Variants in PTPN4 observed in about 807,000 individuals in gnomAD.
PTPN4 encodes the protein tyrosine-protein phosphatase non-receptor type 4.
PTPN4 carries 49 observed loss-of-function variants against 135.5 expected under a neutral mutation model. The observed-to-expected ratio is 0.36, with a 90% confidence interval of 0.29 to 0.46. PTPN4 has a LOEUF of 0.46. PTPN4 is among the 20% of genes least tolerant of loss of function. The pLI is 1.00. For missense variants in PTPN4, 860 were observed against 1,101.0 expected, an observed-to-expected ratio of 0.78 and a Z score of 3.10; for synonymous variants, 333 against 369.9, an observed-to-expected ratio of 0.90 and a Z score of 1.14.
At chr2:119,802,811 G>C (rs1188990360) in intron 1 of PTPN4, among the ~76,000 whole-genome samples, 2 of 152,120 alleles carry the variant, frequency 1.3e-5, no homozygotes, top group African/African-American at 4.8e-5. Context: ...TAAATGTTAG[G>C]TAGATTTTCC....
intron 2 of PTPN4, among the ~76,000 whole-genome samples, chr2:119,847,575 C>T (rs1239263195): frequency 1.3e-5 from 2 of 152,106 alleles, no homozygotes; most frequent in African/African-American, 4.8e-5. Flanking sequence ...GATCCGCCGC[C>T]TCGGCCTCCC....
In PTPN4 at chr2:119,857,867, A is replaced by G. The variant is rs142904975; in HGVS notation, c.139-4669A>G. On this transcript the variant is annotated intron_variant, in intron 2 of 26. Coordinates refer to ENST00000263708, the MANE Select transcript of PTPN4 (RefSeq NM_002830.4). ...ATGGTTTGGATGTTTGTCCCCTCCA[A>G]ATCTCATGCTGAAATGTGATTCCCA... 1.4e-3 allele frequency among the ~76,000 whole-genome samples: 210 copies of G among 152,258 alleles called. 4 individuals are homozygous for G. Among genetic ancestry groups the G allele is most frequent in the South Asian group, 0.014 (66 of 4,822 alleles).
chr2:119,838,832 C>T (rs1353998898), intron 2 of PTPN4, among the ~76,000 whole-genome samples: 1 of 152,238 alleles, frequency 6.6e-6, no homozygotes, highest in African/African-American at 2.4e-5. Flanking sequence ...TTATCATTCA[C>T]TCATTCAGTT....
At chr2:119,975,170 AGTG>A (rs1679595010) in intron 26 of PTPN4, among the ~76,000 whole-genome samples, 1 of 152,186 alleles carries the variant, frequency 6.6e-6, no homozygotes, top group Non-Finnish European at 1.5e-5. Context: ...GGTTTGCAGT[AGTG>A]TGATCACCAC....
rs970414153 is a variant in PTPN4, at chr2:119,966,792, C to G, written c.2559-1045C>G. 5.3e-5 allele frequency among the ~76,000 whole-genome samples: 8 copies of G among 152,316 alleles called. No homozygotes were observed. In the East Asian group the frequency reaches 7.7e-4, roughly 15 times the overall value. On this transcript the variant is annotated intron_variant, in intron 25 of 26. Transcript: ENST00000263708. Reference sequence around the variant, plus strand: ...AGCTTTAAGTAAACAGCAGGCTACTCTTTCTTTCTTTGAGACCCAAGTCCC... The same window carrying G: ...AGCTTTAAGTAAACAGCAGGCTACTGTTTCTTTCTTTGAGACCCAAGTCCC...
At chr2:119,849,001 C>T (rs924183902) in intron 2 of PTPN4, among the ~76,000 whole-genome samples, 2 of 152,124 alleles carry the variant, frequency 1.3e-5, no homozygotes, top group African/African-American at 4.8e-5. Flanking sequence ...TGGTGAGCCC[C>T]TTAAATATAT....
At chr2:119,877,048 A>G (rs955934194) in intron 3 of PTPN4, among the ~76,000 whole-genome samples, 4 of 152,134 alleles carry the variant, frequency 2.6e-5, no homozygotes, top group Non-Finnish European at 4.4e-5. Context: ...ATTATTAACT[A>G]TCTTTACTTA....
intron 3 of PTPN4, among the ~76,000 whole-genome samples, chr2:119,872,579 A>T (rs779264840): frequency 6.6e-6 from 1 of 152,034 alleles, no homozygotes; most frequent in Non-Finnish European, 1.5e-5. Context: ...ATTTTTTAAG[A>T]CTCAGAGTAA....
rs1182195313 is a variant in PTPN4, at chr2:119,766,456, GTGTGTGTGTGTGTGTGTGTGTGTGTGTC to G, written c.-18+6099_-18+6126del. ...TGTATGCGCATGTGCGCGCGTGTGT[GTGTGTGTGTGTGTGTGTGTGTGTGTGTC>G]TGTGTGTGTGTGTGTGTGTGTGTGT... is the stretch of plus-strand genomic sequence containing the variant. On this transcript the variant is annotated intron_variant, in intron 1 of 26. Coordinates refer to ENST00000263708, the MANE Select transcript of PTPN4 (RefSeq NM_002830.4). Among the ~76,000 whole-genome samples the G allele has an allele frequency of 1.6e-3, 173 of 110,166 alleles. 1 individual carries two copies. The highest frequency in any genetic ancestry group is 2.6e-3 in the Non-Finnish European group (132 of 51,200). The allele number at this position is 110,166 out of a possible 152,430, so 72.3% of individuals were successfully genotyped here.
intron 9 of PTPN4, among the ~76,000 whole-genome samples, chr2:119,895,297 G>A (rs916669168): frequency 3.3e-5 from 5 of 152,072 alleles, no homozygotes; most frequent in East Asian, 1.9e-4. Flanking sequence ...TTGCGTTATC[G>A]TACTGTTAAC....
chr2:119,870,868 T>A (rs563967560), intron 3 of PTPN4, among the ~76,000 whole-genome samples: 1 of 152,214 alleles, frequency 6.6e-6, no homozygotes, highest in Non-Finnish European at 1.5e-5. Flanking sequence ...GTTATGATCA[T>A]CCTAGGCAAC....
In PTPN4 at chr2:119,809,950, A is replaced by C; in HGVS notation, c.97A>C (p.Ile33Leu). The C allele has an allele frequency of 6.2e-7, 1 of 1,613,708 alleles. No homozygotes were observed. The highest frequency in any genetic ancestry group is 1.3e-5 in the African/African-American group (1 of 75,006). ...ACAGCATACTGAAGTGGTTTGCAAC[A>C]TCCTTCTTCTGGATAACACTGTACA... The part of the protein sequence containing the change: ...DRQHTEVVCN[I>L]LLLDNTVQAF... The change falls in exon 2 of 27, where the codon ATC (isoleucine) becomes CTC (leucine). Residue 33 changes from isoleucine to leucine, a missense_variant. Coordinates refer to ENST00000263708, the MANE Select transcript of PTPN4 (RefSeq NM_002830.4).
At chr2:119,873,358 A>G (rs1172674238) in intron 3 of PTPN4, among the ~76,000 whole-genome samples, 2 of 152,168 alleles carry the variant, frequency 1.3e-5, no homozygotes, top group African/African-American at 4.8e-5. Context: ...GTCACATAGA[A>G]GTGCACCTCA....
chr2:119,830,772 C>T (rs1416098649), intron 2 of PTPN4, among the ~76,000 whole-genome samples: 3 of 152,112 alleles, frequency 2.0e-5, no homozygotes, highest in Non-Finnish European at 4.4e-5. Flanking sequence ...CACCCTCTCT[C>T]TCCTGCACCT....
intron 1 of PTPN4, among the ~76,000 whole-genome samples, chr2:119,763,063 G>A (rs973115522): frequency 6.6e-6 from 1 of 152,070 alleles, no homozygotes; most frequent in Non-Finnish European, 1.5e-5. Context: ...AAATACCGTA[G>A]AATCTTCTTT....
intron 12 of PTPN4, among the ~76,000 whole-genome samples, chr2:119,923,561 AT>A (rs1280330770): frequency 6.6e-6 from 1 of 152,184 alleles, no homozygotes; most frequent in African/African-American, 2.4e-5. Context: ...AACTCAGAGA[AT>A]ATAACATCTC....
chr2:119,962,468 A>G (rs1265403002), intron 23 of PTPN4, 148 bp from the exon 24 acceptor site: 4 of 370,638 alleles, frequency 1.1e-5, no homozygotes, highest in Admixed American at 4.9e-5. Context: ...AAAAAAAAAC[A>G]CTAGTCAGCA....
intron 3 of PTPN4, among the ~76,000 whole-genome samples, chr2:119,871,503 A>G (rs535446703): frequency 6.6e-6 from 1 of 151,984 alleles, no homozygotes; most frequent in Admixed American, 6.6e-5. Context: ...GGAGTTCTGG[A>G]CTATAGTGCA....
chr2:119,882,576 A>T lies in PTPN4; in HGVS notation c.540A>T (p.Gln180His). The T allele has an allele frequency of 1.3e-6, 2 of 1,563,724 alleles. No homozygotes were observed. The highest frequency in any genetic ancestry group is 2.7e-5 in the African/African-American group (2 of 73,514). ...YLSDYSFIPN[Q>H]PQDFEKEIAK... ...CAGATTATTCTTTCATTCCTAATCA[A>T]CCTCAAGATTTTGAAAAAGAAATTG... Residue 180 changes from glutamine (Q) to histidine (H), a missense_variant, in exon 8 of 27, where the codon CAA (glutamine) becomes CAT (histidine). This residue lies in a region of PTPN4 where 684 missense variants were observed against 807.0 expected (regional missense o/e 0.85). Transcript: ENST00000263708.
Sources: gnomAD v4.1 joint callset for allele counts (sites outside exome capture counted in the v4.1 genomes callset) on GRCh38, gnomAD v4.1.1 for gene constraint, gnomAD v4.1.1 regional missense constraint, MANE v1.5 for transcripts, NCBI Gene and HGNC (gene_info 2026-07-23, HGNC 2026-07-21) for gene names.